ATP6V1E2: variants seen among roughly 807,000 people sequenced by gnomAD.
ATP6V1E2 encodes the protein V-type proton ATPase subunit E 2.
For missense variants in ATP6V1E2, 308 were observed against 273.3 expected, an observed-to-expected ratio of 1.13 and a Z score of -0.90; for synonymous variants, 121 against 104.2, an observed-to-expected ratio of 1.16 and a Z score of -0.98.
At chr2:46,514,014 T>C (rs1379388445) in intron 4 of ATP6V1E2, among the ~76,000 whole-genome samples, 2 of 152,078 alleles carry the variant, frequency 1.3e-5, no homozygotes, top group African/African-American at 4.8e-5. Flanking sequence ...GTGTGGTGAC[T>C]CATGCCTGTA....
chr2:46,515,554 G>C (rs891986890), intron 4 of ATP6V1E2, among the ~76,000 whole-genome samples: 13 of 152,068 alleles, frequency 8.5e-5, no homozygotes, highest in Non-Finnish European at 1.8e-4. Flanking sequence ...CAGGGGTTGG[G>C]GGCAGGTATG....
rs564129548 is a variant in ATP6V1E2 at position 46,535,255 on chromosome 2, T to C, written c.-102+558A>G. On this transcript the variant is annotated intron_variant, in intron 4 of 4. Transcript: ENST00000522587. The surrounding 1 kb of genome is among the most constrained non-coding windows in gnomAD (Gnocchi z 4.4). Reference sequence around the variant, plus strand: ...TTTAAAGTTGCTCACATTAGAAAGGTACAGCCAATACCAGTTATTTGGGTA... The same window carrying C: ...TTTAAAGTTGCTCACATTAGAAAGGCACAGCCAATACCAGTTATTTGGGTA... The C allele has an allele frequency of 6.6e-6, 1 of 152,298 alleles. No individual in the cohort carries two copies. Among genetic ancestry groups the C allele is most frequent in the South Asian group, 2.1e-4 (1 of 4,822 alleles). 9.4% of individuals were successfully genotyped at this position (152,298 alleles called of 1,614,324 possible). A position where few individuals can be genotyped will look rare whatever the true frequency, so the allele number is the denominator to read the frequency against.
chr2:46,531,049 T>A (rs979040133), intron 4 of ATP6V1E2, among the ~76,000 whole-genome samples: 2 of 152,190 alleles, frequency 1.3e-5, no homozygotes, highest in African/African-American at 4.8e-5. Context: ...TTGAGGTGAA[T>A]TTAAAGTAAT....
At chr2:46,526,720 CCT>C (rs1211955043) in intron 4 of ATP6V1E2, among the ~76,000 whole-genome samples, 3 of 152,192 alleles carry the variant, frequency 2.0e-5, no homozygotes, top group Admixed American at 6.5e-5. Flanking sequence ...GAATTTCCTT[CCT>C]TTTTATGGCT....
intron 2 of ATP6V1E2, among the ~76,000 whole-genome samples, chr2:46,536,962 T>A (rs1667475990): frequency 6.6e-6 from 1 of 152,110 alleles, no homozygotes; most frequent in Non-Finnish European, 1.5e-5. Context: ...TTTGTATTTT[T>A]AGCGGAGATG....
rs569611816 is a variant in ATP6V1E2 at position 46,517,840 on chromosome 2, A to T, written c.-101-5028T>A. On this transcript the variant is annotated intron_variant, in intron 4 of 4. Transcript: ENST00000522587. ...GTCATTATTTTTTAAAAAAAGAAGAAAGAAAAAGAAAATAACAAGTGTTGG... is the reference window on the plus strand; with the variant it reads ...GTCATTATTTTTTAAAAAAAGAAGATAGAAAAAGAAAATAACAAGTGTTGG... 9.2e-5 allele frequency among the ~76,000 whole-genome samples: 14 copies of T among 152,344 alleles called. No homozygotes were observed. The South Asian group carries it at 2.7e-3, about 29-fold the overall frequency.
chr2:46,525,484 A>AAAAAAAAAAAAAAG (rs1420336137), intron 4 of ATP6V1E2, among the ~76,000 whole-genome samples: 1 of 148,836 alleles, frequency 6.7e-6, no homozygotes, highest in African/African-American at 2.5e-5. Context: ...AAAGAAAAAA[A>AAAAAAAAAAAAAAG]AAAAAGAAAG....
rs546438046 is a variant in ATP6V1E2 at position 46,512,290 on chromosome 2, A to G, written c.422T>C (p.Leu141Pro). The G allele has an allele frequency of 3.3e-5, 53 of 1,611,122 alleles. No individual in the cohort carries two copies. Among genetic ancestry groups the G allele is most frequent in the Non-Finnish European group, 4.3e-5 (51 of 1,178,106 alleles). Residue 141 changes from leucine to proline, a missense_variant, in exon 5 of 5, where the codon CTC becomes CCC. Physicochemically the swap from Leu to Pro is moderately conservative, Grantham distance 98 (BLOSUM62 -3). Coordinates refer to ENST00000522587, the MANE Select transcript of ATP6V1E2 (RefSeq NM_001318063.2). ...TTGTACAGCAGCCTCCACCAGGAGG[A>G]GGTCTTGTGGCCGGCAGCGTACAAT... Reference protein sequence around the residue: ...VMIVRCRPQDLLLVEAAVQKA... With the variant: ...VMIVRCRPQDPLLVEAAVQKA...
rs72800535 is a variant in ATP6V1E2, at chr2:46,530,876, C to A, written c.-102+4937G>T. ...CTTATTCACTAGCGCAAGAACAGCA[C>A]AGGAAAAACCCAAGCCCATGATTCA... On this transcript the variant is annotated intron_variant, in intron 4 of 4. Coordinates refer to ENST00000522587, the MANE Select transcript of ATP6V1E2 (RefSeq NM_001318063.2). This position sits in a 1 kb window ranked among gnomAD's most constrained non-coding sequence, Gnocchi z 5.2. 0.057 allele frequency among the ~76,000 whole-genome samples: 8,681 copies of A among 152,280 alleles called. 340 individuals carry two copies. The highest frequency in any genetic ancestry group is 0.091 in the Non-Finnish European group (6,163 of 68,006).
chr2:46,521,695 T>G (rs1443833242), intron 4 of ATP6V1E2, among the ~76,000 whole-genome samples: 1 of 152,076 alleles, frequency 6.6e-6, no homozygotes, highest in East Asian at 1.9e-4. Flanking sequence ...TTTCTTCTCT[T>G]TTTCTTTTTC....
chr2:46,533,403 G>C (rs1456556786), intron 4 of ATP6V1E2, among the ~76,000 whole-genome samples: 1 of 152,006 alleles, frequency 6.6e-6, no homozygotes, highest in Non-Finnish European at 1.5e-5. Flanking sequence ...CACCTGAGTA[G>C]CTGGGACTAT....
chr2:46,525,461 C>CAAAAAAAAAAAAA (rs57428249), intron 4 of ATP6V1E2, among the ~76,000 whole-genome samples: 19 of 56,708 alleles, frequency 3.4e-4, no homozygotes, highest in South Asian at 6.6e-4. Context: ...GACTCCGTCT[C>CAAAAAAAAAAAAA]AAAAAAAAAA....
At chr2:46,540,964 T>C (rs1667730117) in intron 2 of ATP6V1E2, among the ~76,000 whole-genome samples, 1 of 152,170 alleles carries the variant, frequency 6.6e-6, no homozygotes, top group Non-Finnish European at 1.5e-5. Flanking sequence ...CATTTATAGA[T>C]GAGAAAACGG....
At chr2:46,537,122 G>T (rs943945425) in intron 2 of ATP6V1E2, among the ~76,000 whole-genome samples, 3 of 152,164 alleles carry the variant, frequency 2.0e-5, no homozygotes, top group Non-Finnish European at 4.4e-5. Context: ...CCAGGGGAAG[G>T]CCTAGGAACG....
chr2:46,512,096 G>T lies in ATP6V1E2; in HGVS notation c.616C>A (p.Gln206Lys), dbSNP rs753632862. The T allele has an allele frequency of 4.3e-6, 7 of 1,613,718 alleles. No homozygotes were observed. Among genetic ancestry groups the T allele is most frequent in the Non-Finnish European group, 5.9e-6 (7 of 1,179,910 alleles). Residue 206 changes from glutamine (Q) to lysine (K), a missense_variant, in exon 5 of 5, where the codon CAA (glutamine) becomes AAA (lysine). Coordinates refer to ENST00000522587, the MANE Select transcript of ATP6V1E2 (RefSeq NM_001318063.2). ...LESRLDLSAK[Q>K]KMPEIRMALF... ...GCCATTCGTATTTCTGGCATCTTTT[G>T]CTTGGCTGAGAGATCCAGTCGGCTT...
At chr2:46,533,425 A>T (rs1190943486) in intron 4 of ATP6V1E2, among the ~76,000 whole-genome samples, 3 of 151,904 alleles carry the variant, frequency 2.0e-5, no homozygotes, top group Non-Finnish European at 4.4e-5. Context: ...GGAGTGTGCC[A>T]CCACACCCAA....
At chr2:46,513,368 C>T (rs1408166537) in intron 4 of ATP6V1E2, among the ~76,000 whole-genome samples, 3 of 152,188 alleles carry the variant, frequency 2.0e-5, no homozygotes, top group Admixed American at 2.0e-4. Context: ...GTTCCATGTG[C>T]ACTTGAGGAG....
chr2:46,517,356 G>A (rs13008941), intron 4 of ATP6V1E2, among the ~76,000 whole-genome samples: 53,706 of 152,078 alleles, frequency 0.35, 9,744 homozygotes, highest in Middle Eastern at 0.39. Flanking sequence ...AGACTTAAAT[G>A]TAAGGCCTGA....
At chr2:46,518,704 C>G (rs1250078830) in intron 4 of ATP6V1E2, among the ~76,000 whole-genome samples, 1 of 150,828 alleles carries the variant, frequency 6.6e-6, no homozygotes, top group Non-Finnish European at 1.5e-5. Flanking sequence ...AAAAAACCTG[C>G]ATTTTGTAAC....
Sources: allele counts gnomAD v4.1 joint callset (sites outside exome capture counted in the v4.1 genomes callset), GRCh38; gene constraint gnomAD v4.1.1; non-coding constraint Gnocchi (gnomAD v3.1); transcripts MANE v1.5; gene names NCBI Gene and HGNC (gene_info 2026-07-23, HGNC 2026-07-21).